The following PDE4D variants were observed in gnomAD, a reference collection of about 807,000 sequenced individuals.
PDE4D encodes the protein 3',5'-cyclic-AMP phosphodiesterase 4D.
A neutral mutation model predicts 87.4 loss-of-function variants in PDE4D; 24 were observed. That is an observed-to-expected ratio of 0.27 (90% CI 0.20 to 0.39). PDE4D has a LOEUF of 0.39. Ranked by LOEUF, PDE4D falls within the 10% of genes least tolerant of loss-of-function variation. The pLI, the probability that PDE4D is intolerant of heterozygous loss-of-function variation, is 1.00. For synonymous variants in PDE4D, 384 were observed against 383.2 expected (o/e 1.00, Z -0.02); for missense variants, 714 against 1,041.0 (o/e 0.69, Z 4.32).
intron 1 of PDE4D, among the ~76,000 whole-genome samples, chr5:59,661,992 T>C (rs1050695171): frequency 3.3e-5 from 5 of 152,296 alleles, no homozygotes; most frequent in African/African-American, 1.2e-4. Flanking sequence ...CTGAGACCCA[T>C]TGTCTGGTTA....
intron 2 of PDE4D, among the ~76,000 whole-genome samples, chr5:60,105,949 C>T (rs889684004): frequency 1.3e-5 from 2 of 152,188 alleles, no homozygotes; most frequent in Non-Finnish European, 1.5e-5. Flanking sequence ...ACCGCATCAA[C>T]TAATGAGCAA....
rs181363779 is a variant in PDE4D at position 60,050,296 on chromosome 5, C to T, written c.43-61579G>A. Among the ~76,000 whole-genome samples the T allele has an allele frequency of 2.0e-5, 3 of 152,284 alleles. No individual in the cohort carries two copies. The East Asian group carries it at 5.8e-4, about 29-fold the overall frequency. On this transcript the variant is annotated intron_variant, in intron 2 of 16. Coordinates refer to the PDE4D transcript ENST00000502484. Reference sequence around the variant, plus strand: ...CCCTAGTGAGATGAACCCAGTACCTCAGATGGAAATGCAGAAATCACCCGT... The same window carrying T: ...CCCTAGTGAGATGAACCCAGTACCTTAGATGGAAATGCAGAAATCACCCGT...
chr5:59,652,055 T>A (rs532313748), intron 1 of PDE4D, among the ~76,000 whole-genome samples: 53 of 152,352 alleles, frequency 3.5e-4, no homozygotes, highest in African/African-American at 1.0e-3. Flanking sequence ...AACTGTCTAT[T>A]GGCTCTGCTG....
At chr5:59,793,303 A>C (rs1766039379) in intron 1 of PDE4D, among the ~76,000 whole-genome samples, 1 of 152,252 alleles carries the variant, frequency 6.6e-6, no homozygotes, top group African/African-American at 2.4e-5. Context: ...CCTTAAGGGA[A>C]GCTTGCAAAC....
chr5:59,085,851 G>C (rs1376494326), intron 5 of PDE4D, among the ~76,000 whole-genome samples: 1 of 152,100 alleles, frequency 6.6e-6, no homozygotes, highest in East Asian at 1.9e-4. Flanking sequence ...CGTCAGAAAA[G>C]CTCCCTGGAG....
intron 1 of PDE4D, among the ~76,000 whole-genome samples, chr5:60,477,105 G>T (rs1178538581): frequency 6.6e-6 from 1 of 152,104 alleles, no homozygotes; most frequent in African/African-American, 2.4e-5. Flanking sequence ...GAATAGGCAG[G>T]AAGAAATGCA....
chr5:59,674,268 C>T (rs965937099), intron 1 of PDE4D, among the ~76,000 whole-genome samples: 3 of 152,052 alleles, frequency 2.0e-5, no homozygotes, highest in South Asian at 2.1e-4. Flanking sequence ...GGAATAGATG[C>T]CCACTCTGTC....
chr5:59,342,613 C>A (rs1003824087), intron 1 of PDE4D, among the ~76,000 whole-genome samples: 1 of 152,040 alleles, frequency 6.6e-6, no homozygotes, highest in Admixed American at 6.5e-5. Flanking sequence ...GACAATTATA[C>A]ATAAACCAGC....
chr5:59,341,696 C>A (rs1446174367), intron 1 of PDE4D, among the ~76,000 whole-genome samples: 1 of 152,188 alleles, frequency 6.6e-6, no homozygotes, highest in South Asian at 2.1e-4. Context: ...GTATGCATGG[C>A]GTAACTCCTA....
intron 1 of PDE4D, among the ~76,000 whole-genome samples, chr5:60,356,287 C>T (rs557098387): frequency 1.1e-4 from 16 of 152,120 alleles, no homozygotes; most frequent in South Asian, 1.0e-3. Flanking sequence ...TATTGAACAG[C>T]CCCAATAATT....
chr5:60,442,506 C>G lies in PDE4D; in HGVS notation c.-90+45436G>C, dbSNP rs867119781. 2.0e-5 allele frequency among the ~76,000 whole-genome samples: 3 copies of G among 152,178 alleles called. No homozygotes were observed. The Middle Eastern group carries it at 0.01, about 518-fold the overall frequency. Reference sequence around the variant, plus strand: ...TGTAGATGACGGTTGATAGGTGCAGCAAACCACCACAACACGTGTATACCT... The same window carrying G: ...TGTAGATGACGGTTGATAGGTGCAGGAAACCACCACAACACGTGTATACCT... On this transcript the variant is annotated intron_variant, in intron 1 of 16. Coordinates refer to the PDE4D transcript ENST00000502484.
chr5:59,679,867 C>T (rs1036499066), intron 1 of PDE4D, among the ~76,000 whole-genome samples: 2 of 152,054 alleles, frequency 1.3e-5, no homozygotes, highest in Non-Finnish European at 2.9e-5. Context: ...TTACTTTACA[C>T]AAAGACCCTA....
intron 2 of PDE4D, among the ~76,000 whole-genome samples, chr5:60,110,161 A>T (rs1387089103): frequency 6.6e-6 from 1 of 152,150 alleles, no homozygotes; most frequent in Non-Finnish European, 1.5e-5. Flanking sequence ...AAAAACGAAA[A>T]TAGTCAAATG....
At chr5:59,499,767 T>G (rs1230321167) in intron 1 of PDE4D, among the ~76,000 whole-genome samples, 1 of 151,764 alleles carries the variant, frequency 6.6e-6, no homozygotes, top group African/African-American at 2.4e-5. Context: ...GTAATGAAAT[T>G]GAATCAGTAA....
chr5:60,513,354 A>G (rs1252214771), intron 1 of PDE4D, among the ~76,000 whole-genome samples: 1 of 152,170 alleles, frequency 6.6e-6, no homozygotes, highest in Non-Finnish European at 1.5e-5. Flanking sequence ...GATAAAGAGG[A>G]GGAAATACAT....
intron 1 of PDE4D, chr5:59,797,103 C>T (rs965289054): frequency 9.6e-5 from 14 of 146,138 alleles, no homozygotes; most frequent in Admixed American, 1.4e-4. Flanking sequence ...TAAAATGCAG[C>T]ACTTCGCAGA....
At chr5:59,192,933 T>C (rs1744657770) in intron 3 of PDE4D, among the ~76,000 whole-genome samples, 1 of 152,218 alleles carries the variant, frequency 6.6e-6, no homozygotes, top group East Asian at 1.9e-4. Flanking sequence ...GGTCTATACA[T>C]AGAACATCTG....
At chr5:59,481,605 G>C (rs797018286) in intron 1 of PDE4D, among the ~76,000 whole-genome samples, 6 of 152,216 alleles carry the variant, frequency 3.9e-5, no homozygotes, top group African/African-American at 1.4e-4. Context: ...TCCAGCGGTA[G>C]AGTTTTAAAA....
intron 1 of PDE4D, among the ~76,000 whole-genome samples, chr5:60,474,121 T>C (rs368458563): frequency 3.3e-5 from 3 of 90,020 alleles, no homozygotes; most frequent in African/African-American, 7.0e-5. Context: ...TATATATATA[T>C]ATATATATAT....
Sources: gnomAD v4.1 joint callset for allele counts (sites outside exome capture counted in the v4.1 genomes callset) on GRCh38, gnomAD v4.1.1 for gene constraint, MANE v1.5 for transcripts, NCBI Gene and HGNC (gene_info 2026-07-23, HGNC 2026-07-21) for gene names.